Variants in CCDC18 observed in about 807,000 individuals in gnomAD.
The protein encoded by CCDC18 is coiled-coil domain-containing protein 18.
A neutral mutation model predicts 196.0 loss-of-function variants in CCDC18; 157 were observed. That is an observed-to-expected ratio of 0.80 (90% CI 0.70 to 0.91). CCDC18 has a LOEUF of 0.91. Ranked by LOEUF, CCDC18 falls within the 40% of genes least tolerant of loss-of-function variation. CCDC18 has a pLI of 0.00. For synonymous variants in CCDC18, 482 were observed against 529.2 expected (o/e 0.91, Z 1.22); for missense variants, 1,465 against 1,611.6 (o/e 0.91, Z 1.56).
At chr1:93,219,522 C>G (rs558316757) in intron 14 of CCDC18, among the ~76,000 whole-genome samples, 34 of 152,280 alleles carry the variant, frequency 2.2e-4, no homozygotes, top group African/African-American at 7.7e-4. Flanking sequence ...GATCTGATAA[C>G]CAAGATGGCT....
chr1:93,221,585 T>A (rs762041917), intron 14 of CCDC18, 24 bp from the exon 15 acceptor site: 1 of 1,435,364 alleles, frequency 7.0e-7, no homozygotes, highest in Admixed American at 2.7e-5. Context: ...ATATTTAATA[T>A]GAAAATTCTG....
intron 23 of CCDC18, among the ~76,000 whole-genome samples, chr1:93,252,019 G>GTCTGTCTATCTATCTA (rs1553183376): frequency 6.7e-6 from 1 of 150,250 alleles, no homozygotes; most frequent in African/African-American, 2.5e-5. Flanking sequence ...CTATCTGTCT[G>GTCTGTCTATCTATCTA]TCTATCTATC....
intron 17 of CCDC18, 71 bp from the exon 18 acceptor site, chr1:93,232,355 G>A: frequency 2.2e-6 from 2 of 914,100 alleles, no homozygotes; most frequent in Non-Finnish European, 3.3e-6. Flanking sequence ...AAGGAGGACA[G>A]CTTTGACATT....
chr1:93,192,174 A>G lies in CCDC18; in HGVS notation c.569+68A>G, dbSNP rs531168949. The stretch of plus-strand genomic sequence containing the variant: ...TATACATTTTATTATATCTTGTTAA[A>G]TCTTGTTCCCCACACCCAATAAATT... On this transcript the variant is annotated intron_variant, in intron 5 of 28. Coordinates refer to ENST00000690025, the MANE Select transcript of CCDC18 (RefSeq NM_001378204.1). 8 of 1,068,354 alleles carry G rather than the reference A, an allele frequency of 7.5e-6. No individual in the cohort carries two copies. In the East Asian group the frequency reaches 1.8e-4, roughly 23 times the overall value. 66.2% of individuals were successfully genotyped at this position (1,068,354 alleles called of 1,614,324 possible). A position where few individuals can be genotyped will look rare whatever the true frequency, so the allele number is the denominator to read the frequency against.
intron 6 of CCDC18, among the ~76,000 whole-genome samples, chr1:93,200,230 C>T (rs189981484): frequency 6.6e-6 from 1 of 151,964 alleles, no homozygotes; most frequent in East Asian, 1.9e-4. Flanking sequence ...CTGGCTCAGC[C>T]TTCTAAACTG....
At chr1:93,203,822 C>A (rs1282645350) in intron 7 of CCDC18, among the ~76,000 whole-genome samples, 1 of 151,746 alleles carries the variant, frequency 6.6e-6, no homozygotes, top group African/African-American at 2.4e-5. Flanking sequence ...AAGAGCAAGA[C>A]CCTGTCTGTA....
intron 2 of CCDC18, 38 bp from the exon 3 acceptor site, chr1:93,183,940 A>C: frequency 7.4e-7 from 1 of 1,347,356 alleles, no homozygotes; most frequent in Non-Finnish European, 1.0e-6. Flanking sequence ...TGAATAAACT[A>C]TCCAAGAACT....
intron 3 of CCDC18, among the ~76,000 whole-genome samples, chr1:93,185,936 C>T (rs1650595301): frequency 6.6e-6 from 1 of 151,598 alleles, no homozygotes; most frequent in African/African-American, 2.4e-5. Context: ...TACCTATTAT[C>T]CATTTTGTTG....
At position 93,277,336 on chromosome 1, in the gene CCDC18, T is replaced by C. The variant is rs377394558; in HGVS notation, c.4354-1127T>C. On this transcript the variant is annotated intron_variant, in intron 28 of 28. Transcript: ENST00000690025. Reference sequence around the variant, plus strand: ...CTCCTCAGCACAGACCCTTTACGGGTGTCGGGCTGGGGGACGGTCAGGTCT... The same window carrying C: ...CTCCTCAGCACAGACCCTTTACGGGCGTCGGGCTGGGGGACGGTCAGGTCT... 7.3e-4 allele frequency among the ~76,000 whole-genome samples: 37 copies of C among 50,446 alleles called. 1 individual carries two copies. The Middle Eastern group carries it at 0.017, about 23-fold the overall frequency. 33.1% of individuals were successfully genotyped at this position (50,446 alleles called of 152,430 possible).
rs887374237 is a variant in CCDC18, at chr1:93,258,797, G to A, written c.3596G>A (p.Arg1199His). The A allele has an allele frequency of 6.3e-6, 10 of 1,592,708 alleles. No homozygotes were observed. The highest frequency in any genetic ancestry group is 1.7e-4 in the Middle Eastern group (1 of 6,042). Residue 1199 changes from arginine to histidine, a missense_variant, in exon 26 of 29, where the codon CGT becomes CAT. Transcript: ENST00000690025. ...GAAGAACTGGGGGCTTCTAAAGTAC[G>A]TGAAGCTCATTTAGAAGCAAGAATG... The part of the protein sequence containing the change: ...LAEELGASKV[R>H]EAHLEARMQA...
intron 21 of CCDC18, among the ~76,000 whole-genome samples, chr1:93,240,844 T>C (rs1660671376): frequency 6.6e-6 from 1 of 152,222 alleles, no homozygotes; most frequent in South Asian, 2.1e-4. Flanking sequence ...CCTACCCTTC[T>C]CCTAACTCAG....
intron 19 of CCDC18, among the ~76,000 whole-genome samples, chr1:93,238,486 T>TCTA (rs147058150): frequency 0.2 from 29,931 of 152,166 alleles, 3,386 homozygotes; most frequent in African/African-American, 0.3. Flanking sequence ...CCAAATTTGT[T>TCTA]GAAGTTTTAT....
intron 25 of CCDC18, among the ~76,000 whole-genome samples, chr1:93,258,093 AAATTAATAAAAATT>A (rs1161485215): frequency 4.7e-5 from 7 of 149,554 alleles, no homozygotes; most frequent in African/African-American, 1.2e-4. Context: ...AATTAAAATT[AAATTAATAAAAATT>A]AATTAATAAT....
chr1:93,226,464 A>G lies in CCDC18; in HGVS notation c.2292+15A>G, dbSNP rs1456994444. 1.8e-6 allele frequency: 2 copies of G among 1,106,526 alleles called. No homozygotes were observed. Among genetic ancestry groups the G allele is most frequent in the Non-Finnish European group, 2.8e-6 (2 of 723,814 alleles). The allele number at this position is 1,106,526 out of a possible 1,614,324, so 68.5% of individuals were successfully genotyped here. A position where few individuals can be genotyped will look rare whatever the true frequency, so the allele number is the denominator to read the frequency against. ...AATCTGAAGAGGTAAATTAACATTTACTTTATATATAGCATATATTTCAAG... is the reference window on the plus strand; with the variant it reads ...AATCTGAAGAGGTAAATTAACATTTGCTTTATATATAGCATATATTTCAAG... On this transcript the variant is annotated intron_variant, in intron 17 of 28. Transcript: ENST00000690025.
At position 93,234,936 on chromosome 1, in the gene CCDC18, A is replaced by AGTGTGTGTGTGTGTGTGTGTGTGT. The variant is rs3223482; in HGVS notation, c.2461-1298_2461-1275dup. Among the ~76,000 whole-genome samples the AGTGTGTGTGTGTGTGTGTGTGTGT allele has an allele frequency of 1.7e-5, 2 of 119,348 alleles. 1 individual carries two copies. The highest frequency in any genetic ancestry group is 6.9e-5 in the African/African-American group (2 of 29,162). The allele number at this position is 119,348 out of a possible 152,430, so 78.3% of individuals were successfully genotyped here. ...GTGCATACCACCATGCCCAGCTAAG[A>AGTGTGTGTGTGTGTGTGTGTGTGT]GTGTGTGTGTGTGTGTGTGTGTGTG... is the stretch of plus-strand genomic sequence containing the variant. On this transcript the variant is annotated intron_variant, in intron 18 of 28. Coordinates refer to ENST00000690025, the MANE Select transcript of CCDC18 (RefSeq NM_001378204.1).
intron 11 of CCDC18, among the ~76,000 whole-genome samples, 170 bp from the exon 12 acceptor site, chr1:93,214,573 A>G (rs1656183854): frequency 6.6e-6 from 1 of 152,202 alleles, no homozygotes; most frequent in African/African-American, 2.4e-5. Flanking sequence ...TAATTTAGAG[A>G]GCACATTACT....
At chr1:93,263,936 C>T (rs1414400491) in intron 26 of CCDC18, among the ~76,000 whole-genome samples, 13 of 152,152 alleles carry the variant, frequency 8.5e-5, no homozygotes, top group Non-Finnish European at 1.5e-5. Flanking sequence ...CAAGGGCTGT[C>T]GCTGGATCTA....
intron 2 of CCDC18, 132 bp downstream of exon 2, chr1:93,183,627 T>G (rs765574549): frequency 1.6e-5 from 10 of 643,068 alleles, no homozygotes; most frequent in Non-Finnish European, 2.3e-5. Context: ...TACTTTTTAA[T>G]GTAACTTTCA....
At chr1:93,215,212 A>T (rs997605012) in intron 12 of CCDC18, among the ~76,000 whole-genome samples, 2 of 152,194 alleles carry the variant, frequency 1.3e-5, no homozygotes, top group Non-Finnish European at 2.9e-5. Flanking sequence ...TGGTGGAAAT[A>T]ATATTGCATT....
Sources: allele counts gnomAD v4.1 joint callset (sites outside exome capture counted in the v4.1 genomes callset), GRCh38; gene constraint gnomAD v4.1.1; transcripts MANE v1.5; gene names NCBI Gene and HGNC (gene_info 2026-07-23, HGNC 2026-07-21).